The following ACACA variants were observed in gnomAD, a reference collection of about 807,000 sequenced individuals.
ACACA encodes the protein acetyl-CoA carboxylase 1.
Under a neutral mutation model 296.1 loss-of-function variants are expected in ACACA, and 103 were observed. That is an observed-to-expected ratio of 0.35 (90% CI 0.30 to 0.41). ACACA has a LOEUF of 0.41. Ranked by LOEUF, ACACA falls within the 10% of genes least tolerant of loss-of-function variation. The pLI, the probability that ACACA is intolerant of heterozygous loss-of-function variation, is 1.00. For missense variants in ACACA, 1,554 were observed against 2,989.7 expected, an observed-to-expected ratio of 0.52 and a Z score of 11.20; for synonymous variants, 953 against 1,038.6, an observed-to-expected ratio of 0.92 and a Z score of 1.58.
intron 1 of ACACA, among the ~76,000 whole-genome samples, chr17:37,353,938 T>C (rs1477497407): frequency 1.3e-5 from 2 of 151,930 alleles, no homozygotes; most frequent in Non-Finnish European, 2.9e-5. Context: ...TGAGACCTCA[T>C]CTCTACAGAA....
chr17:37,119,921 C>T (rs2074444489), intron 50 of ACACA, among the ~76,000 whole-genome samples: 3 of 132,348 alleles, frequency 2.3e-5, no homozygotes, highest in Admixed American at 8.5e-5. Context: ...GAGATGGAGT[C>T]TTGCTCTGTC....
intron 54 of ACACA, among the ~76,000 whole-genome samples, chr17:37,094,842 T>C (rs1396273572): frequency 6.6e-6 from 1 of 152,228 alleles, no homozygotes; most frequent in Non-Finnish European, 1.5e-5. Context: ...CTTTTGTAGA[T>C]GGGCACAAGG....
At chr17:37,248,302 G>A in intron 17 of ACACA, 146 bp from the exon 18 acceptor site, 1 of 1,093,106 alleles carries the variant, frequency 9.1e-7, no homozygotes, top group East Asian at 2.5e-5. Flanking sequence ...AGTGTCTGTG[G>A]ACATGGCTCA....
chr17:37,403,368 CTT>C (rs36037660), intron 1 of ACACA, among the ~76,000 whole-genome samples: 6,430 of 112,076 alleles, frequency 0.057, 194 homozygotes, highest in Admixed American at 0.15. Context: ...TTTGCCACAT[CTT>C]TTTTTTTTTT....
At chr17:37,333,441 T>C (rs894603489) in intron 2 of ACACA, among the ~76,000 whole-genome samples, 2 of 152,006 alleles carry the variant, frequency 1.3e-5, no homozygotes, top group Non-Finnish European at 2.9e-5. Flanking sequence ...GAAATGCTTA[T>C]AGAAGGACAC....
chr17:37,369,706 T>G (rs994901189), intron 1 of ACACA, among the ~76,000 whole-genome samples: 1 of 151,980 alleles, frequency 6.6e-6, no homozygotes, highest in Non-Finnish European at 1.5e-5. Context: ...ATACATTCTT[T>G]TTTTTGTTTT....
Position 37,173,996 on chromosome 17 carries a change from A to ATTTTT in ACACA, c.5079+5263_5079+5264insAAAAA, listed in dbSNP as rs2076989200. Among the ~76,000 whole-genome samples the ATTTTT allele has an allele frequency of 2.3e-4, 2 of 8,600 alleles. 1 individual carries two copies. The highest frequency in any genetic ancestry group is 1.9e-3 in the African/African-American group (2 of 1,038). 5.6% of individuals were successfully genotyped at this position (8,600 alleles called of 152,430 possible). On this transcript the variant is annotated intron_variant, in intron 41 of 55. Coordinates refer to ENST00000616317, the MANE Select transcript of ACACA (RefSeq NM_198834.3). ...GCCTGGCTAATTTATATATATATATATATATATATATATATATATATATAT... is the reference window on the plus strand; with the variant it reads ...GCCTGGCTAATTTATATATATATATATTTTTTATATATATATATATATATATATAT...
At chr17:37,152,361 C>A (rs1352363074) in intron 43 of ACACA, among the ~76,000 whole-genome samples, 1 of 152,128 alleles carries the variant, frequency 6.6e-6, no homozygotes, top group Non-Finnish European at 1.5e-5. Flanking sequence ...CAATTTTAGA[C>A]AATTTTACGT....
At chr17:37,353,776 C>G (rs75117086) in intron 1 of ACACA, among the ~76,000 whole-genome samples, 2,702 of 150,290 alleles carry the variant, frequency 0.018, 86 homozygotes, top group African/African-American at 0.063. Context: ...CTCCCCAAAA[C>G]TGAGTCTGTT....
At chr17:37,205,971 C>T (rs997821313) in intron 32 of ACACA, 99 bp from the exon 33 acceptor site, 18 of 1,039,784 alleles carry the variant, frequency 1.7e-5, no homozygotes, top group Admixed American at 3.5e-5. Flanking sequence ...AAAAGAGATA[C>T]ACCCCACAGG....
rs1457283553 is a variant in ACACA at position 37,188,424 on chromosome 17, C to T, written c.4629G>A (p.Leu1543=). ...TTTTCAGTTCTGCCTGGAGGACGCG[C>T]AATTTCCACAGGCGACTTCCATACC... ...VMRYGSRLWK[L]RVLQAELKIN... Residue 1543 remains leucine (L), a synonymous_variant, in exon 39 of 56, where the codon TTG becomes TTA. Transcript: ENST00000616317. The T allele has an allele frequency of 2.5e-6, 4 of 1,613,860 alleles. No homozygotes were observed. The Admixed American group carries it at 6.7e-5, about 27-fold the overall frequency.
At chr17:37,328,018 A>C (rs1201853583) in intron 3 of ACACA, among the ~76,000 whole-genome samples, 1 of 152,088 alleles carries the variant, frequency 6.6e-6, no homozygotes, top group Non-Finnish European at 1.5e-5. Context: ...TAAAGACCTA[A>C]TCCCTTTTCC....
chr17:37,343,052 A>G (rs773266770), intron 1 of ACACA, among the ~76,000 whole-genome samples: 3 of 152,242 alleles, frequency 2.0e-5, no homozygotes, highest in African/African-American at 7.2e-5. Context: ...ATCTCAGCTC[A>G]ATGCAACCTC....
intron 30 of ACACA, among the ~76,000 whole-genome samples, chr17:37,208,346 A>G (rs983320255): frequency 2.0e-5 from 3 of 152,204 alleles, no homozygotes; most frequent in African/African-American, 7.2e-5. Flanking sequence ...ATTATATAAA[A>G]CATTAGGGTA....
intron 3 of ACACA, among the ~76,000 whole-genome samples, chr17:37,286,453 T>C (rs1185759628): frequency 6.6e-6 from 1 of 152,228 alleles, no homozygotes; most frequent in Non-Finnish European, 1.5e-5. Flanking sequence ...TGCTGTGCTC[T>C]GTGACAATGG....
chr17:37,226,158 T>C (rs2079535060), intron 26 of ACACA, among the ~76,000 whole-genome samples, 181 bp downstream of exon 26: 2 of 152,186 alleles, frequency 1.3e-5, no homozygotes, highest in African/African-American at 4.8e-5. Flanking sequence ...GCAGCACTAA[T>C]CTTTTCCTTT....
rs529252067 is a variant in ACACA, at chr17:37,339,899, C to CT, written c.39-50dup. ...AAGGTTTTTTTTTTTAAGAAACAAACTTTTGTCAATTCCTGTTTTGCTCAG... is the reference window on the plus strand; with the variant it reads ...AAGGTTTTTTTTTTTAAGAAACAAACTTTTTGTCAATTCCTGTTTTGCTCAG... On this transcript the variant is annotated intron_variant, in intron 1 of 55. Coordinates refer to ENST00000616317, the MANE Select transcript of ACACA (RefSeq NM_198834.3). 330 of 979,898 alleles carry CT rather than the reference C, an allele frequency of 3.4e-4. No individual in the cohort carries two copies. The African/African-American group carries it at 4.6e-3, about 14-fold the overall frequency. The allele number at this position is 979,898 out of a possible 1,614,324, so 60.7% of individuals were successfully genotyped here. A position where few individuals can be genotyped will look rare whatever the true frequency, so the allele number is the denominator to read the frequency against.
intron 1 of ACACA, among the ~76,000 whole-genome samples, chr17:37,391,171 C>T (rs1392672256): frequency 6.6e-6 from 1 of 152,092 alleles, no homozygotes; most frequent in Non-Finnish European, 1.5e-5. Flanking sequence ...CCGGGAGGCA[C>T]AGGCTGCGGT....
chr17:37,349,703 C>T (rs1018500702), intron 1 of ACACA, among the ~76,000 whole-genome samples: 1 of 151,184 alleles, frequency 6.6e-6, no homozygotes, highest in East Asian at 2.0e-4. Context: ...ATTACAGGTA[C>T]CCACCACTTC....
Sources: gnomAD v4.1 joint callset for allele counts (sites outside exome capture counted in the v4.1 genomes callset) on GRCh38, gnomAD v4.1.1 for gene constraint, MANE v1.5 for transcripts, NCBI Gene and HGNC (gene_info 2026-07-23, HGNC 2026-07-21) for gene names.